PRDM5: variants seen among roughly 807,000 people sequenced by gnomAD.
PRDM5 encodes the protein PR domain zinc finger protein 5.
PRDM5 carries 56 observed loss-of-function variants against 81.2 expected under a neutral mutation model. The ratio of observed to expected loss-of-function variants is 0.69; its 90% CI spans 0.56 to 0.86. The LOEUF (loss-of-function observed/expected upper bound fraction) is 0.86. PRDM5 is among the 40% of genes least tolerant of loss of function. The probability of loss-of-function intolerance (pLI) is 0.00; values close to 1 mark genes in which losing one functional copy is unlikely to be tolerated. For missense variants in PRDM5, 697 were observed against 770.1 expected, an observed-to-expected ratio of 0.91 and a Z score of 1.12; for synonymous variants, 267 against 256.4, an observed-to-expected ratio of 1.04 and a Z score of -0.39.
chr4:120,758,436 C>T (rs948227656), intron 13 of PRDM5, among the ~76,000 whole-genome samples: 1 of 152,076 alleles, frequency 6.6e-6, no homozygotes. Context: ...TTGTTGCAAA[C>T]GTTACTGGAG....
At chr4:120,898,121 G>A (rs887221565) in intron 2 of PRDM5, among the ~76,000 whole-genome samples, 5 of 152,134 alleles carry the variant, frequency 3.3e-5, no homozygotes, top group African/African-American at 1.2e-4. Flanking sequence ...CACCTTAAAC[G>A]CATCAGGGAG....
chr4:120,884,180 C>T (rs1171678210), intron 2 of PRDM5, among the ~76,000 whole-genome samples: 1 of 152,002 alleles, frequency 6.6e-6, no homozygotes, highest in African/African-American at 2.4e-5. Flanking sequence ...CTCATATATA[C>T]ATAGAAATGC....
chr4:120,793,986 T>A (rs545355782), intron 10 of PRDM5, among the ~76,000 whole-genome samples: 34 of 152,302 alleles, frequency 2.2e-4, no homozygotes, highest in African/African-American at 8.2e-4. Context: ...TACATTGCTA[T>A]CTCATCATCC....
chr4:120,700,182 A>T (rs1379699294), intron 15 of PRDM5, among the ~76,000 whole-genome samples: 1 of 152,174 alleles, frequency 6.6e-6, no homozygotes, highest in African/African-American at 2.4e-5. Context: ...GTTGACAAAA[A>T]TAAGCAACAG....
chr4:120,738,346 T>C (rs1279814339), intron 14 of PRDM5, among the ~76,000 whole-genome samples: 1 of 152,220 alleles, frequency 6.6e-6, no homozygotes, highest in East Asian at 1.9e-4. Context: ...AATCGTATAA[T>C]GGTGATGAAC....
chr4:120,700,725 T>G (rs1412470053), intron 15 of PRDM5, among the ~76,000 whole-genome samples: 1 of 152,170 alleles, frequency 6.6e-6, no homozygotes, highest in Non-Finnish European at 1.5e-5. Flanking sequence ...AAAGAAGACA[T>G]ATAAGTGGAT....
intron 2 of PRDM5, among the ~76,000 whole-genome samples, chr4:120,874,871 A>G (rs1762189983): frequency 6.6e-6 from 1 of 152,174 alleles, no homozygotes; most frequent in South Asian, 2.1e-4. Context: ...TGTGTGTCCT[A>G]TGGCCTGGGA....
At chr4:120,816,763 C>T (rs1327364821) in intron 6 of PRDM5, 69 bp downstream of exon 6, 5 of 1,526,566 alleles carry the variant, frequency 3.3e-6, no homozygotes, top group Non-Finnish European at 4.5e-6. Context: ...TACTAAGAAG[C>T]ATGAAAGTAT....
At chr4:120,704,021 A>G (rs1735764565) in intron 15 of PRDM5, among the ~76,000 whole-genome samples, 1 of 152,156 alleles carries the variant, frequency 6.6e-6, no homozygotes, top group Non-Finnish European at 1.5e-5. Context: ...GTCCATTTAC[A>G]CAGTTACCAT....
rs1554014221 is a variant in PRDM5 at position 120,922,499 on chromosome 4, GC to G, written c.93+16del. On this transcript the variant is annotated intron_variant, in intron 1 of 15. Coordinates refer to ENST00000264808, the MANE Select transcript of PRDM5 (RefSeq NM_018699.4). ...CGCGAGGTGCAGGGGCGCGCAGGCC[GC>G]CGCCGGGTCACCCACCTTTCGCACT... is the stretch of plus-strand genomic sequence containing the variant. The G allele has an allele frequency of 6.3e-7, 1 of 1,586,184 alleles. No individual in the cohort carries two copies. The highest frequency in any genetic ancestry group is 8.6e-7 in the Non-Finnish European group (1 of 1,167,568).
intron 3 of PRDM5, among the ~76,000 whole-genome samples, chr4:120,822,748 GAC>G (rs1755450311): frequency 6.6e-6 from 1 of 152,092 alleles, no homozygotes; most frequent in South Asian, 2.1e-4. Flanking sequence ...TCATGGAAGA[GAC>G]AGAAATTATG....
At chr4:120,866,151 C>CA (rs1354747963) in intron 2 of PRDM5, among the ~76,000 whole-genome samples, 40 of 152,346 alleles carry the variant, frequency 2.6e-4, no homozygotes, top group African/African-American at 9.4e-4. Context: ...AGAGGCCCTT[C>CA]ACATGCTGAC....
chr4:120,694,962 A>T lies in PRDM5; in HGVS notation c.*149T>A. The T allele has an allele frequency of 6.9e-6, 6 of 875,252 alleles. No individual in the cohort carries two copies. Among genetic ancestry groups the T allele is most frequent in the Admixed American group, 4.4e-5 (2 of 45,176 alleles). 54.2% of individuals were successfully genotyped at this position (875,252 alleles called of 1,614,324 possible). Reference sequence around the variant, plus strand: ...AAGTAAGACTTTTTTTTGGTTGCATATGCATCTACAGACTCTAAATGTAGG... The same window carrying T: ...AAGTAAGACTTTTTTTTGGTTGCATTTGCATCTACAGACTCTAAATGTAGG... On this transcript the variant is annotated 3_prime_UTR_variant, in exon 16 of 16. Coordinates refer to ENST00000264808, the MANE Select transcript of PRDM5 (RefSeq NM_018699.4).
chr4:120,798,119 G>T, intron 10 of PRDM5, 148 bp downstream of exon 10: 1 of 515,230 alleles, frequency 1.9e-6, no homozygotes, highest in Non-Finnish European at 3.2e-6. Context: ...AGGAGGCTGT[G>T]AGGGGTTATG....
intron 13 of PRDM5, among the ~76,000 whole-genome samples, chr4:120,776,516 G>C (rs1748175439): frequency 6.6e-6 from 1 of 152,142 alleles, no homozygotes; most frequent in Admixed American, 6.6e-5. Context: ...ACTGAAAAAA[G>C]TTTTCAGACT....
intron 8 of PRDM5, among the ~76,000 whole-genome samples, chr4:120,801,775 G>A (rs545640597): frequency 4.3e-4 from 65 of 152,220 alleles, no homozygotes; most frequent in African/African-American, 1.5e-3. Flanking sequence ...CTTCCACAGC[G>A]GCTTCAGTTA....
intron 13 of PRDM5, among the ~76,000 whole-genome samples, chr4:120,758,526 T>C (rs1169672998): frequency 6.6e-6 from 1 of 151,998 alleles, no homozygotes. Flanking sequence ...ACAGGGAGAA[T>C]GCCATGTGAA....
chr4:120,714,210 T>C (rs1184567408), intron 14 of PRDM5, among the ~76,000 whole-genome samples: 1 of 152,192 alleles, frequency 6.6e-6, no homozygotes, highest in Admixed American at 6.5e-5. Flanking sequence ...TTTCCAAGGA[T>C]CTGTTGGTGG....
At chr4:120,874,678 T>C (rs541146798) in intron 2 of PRDM5, among the ~76,000 whole-genome samples, 1 of 152,238 alleles carries the variant, frequency 6.6e-6, no homozygotes, top group African/African-American at 2.4e-5. Flanking sequence ...GATTGATTAC[T>C]ATTAGCTTTA....
Sources: allele counts gnomAD v4.1 joint callset (sites outside exome capture counted in the v4.1 genomes callset), GRCh38; gene constraint gnomAD v4.1.1; transcripts MANE v1.5; gene names NCBI Gene and HGNC (gene_info 2026-07-23, HGNC 2026-07-21).